Variants in ATM observed in about 807,000 individuals in gnomAD.
ATM encodes the protein ATM serine/threonine kinase, also known as serine-protein kinase ATM.
A neutral mutation model predicts 387.0 loss-of-function variants in ATM; 308 were observed. The ratio of observed to expected loss-of-function variants is 0.80; its 90% confidence interval spans 0.73 to 0.87. The LOEUF (loss-of-function observed/expected upper bound fraction) is 0.87. Ranked by LOEUF, ATM falls within the 40% of genes least tolerant of loss-of-function variation. The pLI is 0.00. For missense variants in ATM, 3,312 were observed against 3,560.9 expected (o/e 0.93, Z 1.78); for synonymous variants, 1,156 against 1,187.3 (o/e 0.97, Z 0.54).
chr11:108,331,403 A>G (rs761144083), intron 50 of ATM, 41 bp from the exon 51 acceptor site: 1 of 1,599,288 alleles, frequency 6.3e-7, no homozygotes, highest in Non-Finnish European at 8.5e-7. Context: ...AATATTTGAA[A>G]TACCTTGTTT....
Position 108,227,859 on chromosome 11 carries a change from A to G in ATM, c.156A>G (p.Gly52=), listed in dbSNP as rs876660725. 1 of 1,613,184 alleles carries G rather than the reference A, an allele frequency of 6.2e-7. No homozygotes were observed. Among genetic ancestry groups the G allele is most frequent in the Non-Finnish European group, 8.5e-7 (1 of 1,179,742 alleles). ...ATCGGCATTCAGATTCCAAACAAGG[A>G]AAATATTTGAATTGGGATGCTGTTT... The part of the protein sequence containing the change: ...HLDRHSDSKQ[G]KYLNWDAVFR... Residue 52 remains glycine (G), a synonymous_variant, in exon 3 of 63, where the codon GGA becomes GGG. Coordinates refer to ENST00000675843, the MANE Select transcript of ATM (RefSeq NM_000051.4).
intron 53 of ATM, among the ~76,000 whole-genome samples, chr11:108,333,490 G>A (rs1477147696): frequency 3.3e-5 from 5 of 152,028 alleles, no homozygotes; most frequent in Non-Finnish European, 4.4e-5. Context: ...ACTTGAAAAC[G>A]AATGGGACTT....
intron 22 of ATM, among the ~76,000 whole-genome samples, chr11:108,278,504 T>C (rs1176211175): frequency 2.0e-5 from 3 of 152,192 alleles, no homozygotes; most frequent in African/African-American, 7.2e-5. Flanking sequence ...GATTTTGTCT[T>C]AGTCCCTTTG....
At position 108,323,364 on chromosome 11, in the gene ATM, A is replaced by G. The variant is rs189422256; in HGVS notation, c.6572+1944A>G. On this transcript the variant is annotated intron_variant, in intron 45 of 62. Coordinates refer to ENST00000675843, the MANE Select transcript of ATM (RefSeq NM_000051.4). The stretch of plus-strand genomic sequence containing the variant: ...AAGAGTACAGAATTCTTTAAGAAAC[A>G]GTGAATAGAATGGTAGTAACCAGAG... Among the ~76,000 whole-genome samples, 36 of 152,308 alleles carry G rather than the reference A, an allele frequency of 2.4e-4. No homozygotes were observed. The East Asian group carries it at 6.8e-3, about 29-fold the overall frequency.
intron 29 of ATM, chr11:108,290,629 C>A: frequency 9.2e-6 from 1 of 108,576 alleles, no homozygotes; most frequent in Non-Finnish European, 1.7e-5. Context: ...CAGAGCGAGA[C>A]TCTTGTCTCA....
intron 27 of ATM, among the ~76,000 whole-genome samples, chr11:108,288,065 G>T: frequency 6.6e-6 from 1 of 151,386 alleles, no homozygotes; most frequent in African/African-American, 2.4e-5. Flanking sequence ...TGCCTTTCTA[G>T]ATCACCTTTT....
rs1416574870 is a variant in ATM, at chr11:108,281,113, T to C, written c.3521T>C (p.Phe1174Ser). The change falls in exon 24 of 63, where the codon TTT becomes TCT. Residue 1174 changes from phenylalanine to serine, a missense_variant. Around this residue, in one of 4 missense-constraint regions of ATM, gnomAD observed 1,791 missense variants for 1,804.5 expected, o/e 0.99. Coordinates refer to ENST00000675843, the MANE Select transcript of ATM (RefSeq NM_000051.4). ...CSPICEKQAL[F>S]ALCKSVKENG... The stretch of plus-strand genomic sequence containing the variant: ...CCTATCTGCGAAAAACAGGCTTTGT[T>C]TGCCCTGTGTAAATCTGTGAAAGAG... 4.3e-6 allele frequency: 7 copies of C among 1,614,076 alleles called. No individual in the cohort carries two copies. Among genetic ancestry groups the C allele is most frequent in the Non-Finnish European group, 5.1e-6 (6 of 1,179,976 alleles).
intron 18 of ATM, among the ~76,000 whole-genome samples, chr11:108,268,971 G>T (rs2081420324): frequency 6.6e-6 from 1 of 152,052 alleles, no homozygotes; most frequent in African/African-American, 2.4e-5. Flanking sequence ...CAGTTTTTTG[G>T]ATTTGATTTC....
At chr11:108,271,517 C>T (rs1436203840) in intron 20 of ATM, 111 bp downstream of exon 20, 2 of 1,268,626 alleles carry the variant, frequency 1.6e-6, no homozygotes, top group Admixed American at 1.7e-5. Context: ...ATAGCTAATA[C>T]ATCTTTTAAG....
chr11:108,335,004 T>TATACAGTC lies in ATM; in HGVS notation c.8049_8056dup (p.Phe2686TyrfsTer10), dbSNP rs1355690953. 6.2e-7 allele frequency: 1 copy of TATACAGTC among 1,613,748 alleles called. No homozygotes were observed. The highest frequency in any genetic ancestry group is 2.2e-5 in the East Asian group (1 of 44,858). ...CAGGAGAATATGGAAATCTGGTGAC[T>TATACAGTC]ATACAGTCATTTAAAGCAGAATTTC... is the stretch of plus-strand genomic sequence containing the variant. On this transcript the variant is annotated frameshift_variant, in exon 55 of 63. Coordinates refer to ENST00000675843, the MANE Select transcript of ATM (RefSeq NM_000051.4). LOFTEE classifies it high-confidence loss of function.
rs374499837 is a variant in ATM, at chr11:108,311,538, A to G, written c.5919-873A>G. ...TAGTGAGACCTCAGCTCTACTAAAAATAAAAATAAATCAGCTGGGCATAGT... is the reference window on the plus strand; with the variant it reads ...TAGTGAGACCTCAGCTCTACTAAAAGTAAAAATAAATCAGCTGGGCATAGT... On this transcript the variant is annotated intron_variant, in intron 39 of 62. Transcript: ENST00000675843. 2.6e-5 allele frequency among the ~76,000 whole-genome samples: 4 copies of G among 152,140 alleles called. No individual in the cohort carries two copies. In the South Asian group the frequency reaches 8.3e-4, roughly 32 times the overall value.
intron 56 of ATM, among the ~76,000 whole-genome samples, chr11:108,340,566 C>T (rs1591230477): frequency 6.6e-6 from 1 of 152,200 alleles, no homozygotes; most frequent in Admixed American, 6.5e-5. Flanking sequence ...CCTGCTATTA[C>T]CACCCTACTT....
intron 61 of ATM, among the ~76,000 whole-genome samples, chr11:108,359,233 C>A (rs1160458161): frequency 6.6e-6 from 1 of 151,464 alleles, no homozygotes; most frequent in African/African-American, 2.4e-5. Context: ...ATCAATTCAA[C>A]AAGAAGAGCT....
intron 29 of ATM, 54 bp from the exon 30 acceptor site, chr11:108,292,565 A>G (rs1352332603): frequency 7.0e-6 from 11 of 1,571,962 alleles, no homozygotes; most frequent in Non-Finnish European, 8.7e-6. Flanking sequence ...TTTATTTCAG[A>G]GTAATTTTCC....
chr11:108,317,332 C>A (rs1271268955), intron 42 of ATM, 41 bp from the exon 43 acceptor site: 2 of 1,592,152 alleles, frequency 1.3e-6, no homozygotes, highest in Admixed American at 3.4e-5. Context: ...CTGTTGATAT[C>A]TTTGATTACT....
At chr11:108,291,951 C>G (rs1316740961) in intron 29 of ATM, among the ~76,000 whole-genome samples, 1 of 152,152 alleles carries the variant, frequency 6.6e-6, no homozygotes, top group Non-Finnish European at 1.5e-5. Flanking sequence ...AATACGCTCC[C>G]CAGCTACTCC....
chr11:108,310,171 G>A lies in ATM; in HGVS notation c.5774G>A (p.Gly1925Glu), dbSNP rs755055090. The stretch of plus-strand genomic sequence containing the variant: ...TCATTTTTCTTTAGACCTTCTTCAG[G>A]AACAATTTTTAATGATGCTTTCTGG... ...YMRRQKRPSSGTIFNDAFWLD... is the reference protein window; with the variant it reads ...YMRRQKRPSSETIFNDAFWLD... The change falls in exon 39 of 63, where the codon GGA (glycine) becomes GAA (glutamate). Residue 1925 changes from glycine (G) to glutamate (E), a missense_variant. Gly to Glu is a moderately conservative substitution (Grantham distance 98, BLOSUM62 -2). This residue lies in a region of ATM where 1,405 missense variants were observed against 1,604.4 expected (regional missense o/e 0.88). Coordinates refer to ENST00000675843, the MANE Select transcript of ATM (RefSeq NM_000051.4). 6.2e-7 allele frequency: 1 copy of A among 1,613,228 alleles called. No individual in the cohort carries two copies. Among genetic ancestry groups the A allele is most frequent in the Non-Finnish European group, 8.5e-7 (1 of 1,179,624 alleles).
chr11:108,305,566 G>A (rs1382593362), intron 37 of ATM, among the ~76,000 whole-genome samples: 2 of 152,028 alleles, frequency 1.3e-5, no homozygotes, highest in Admixed American at 6.6e-5. Flanking sequence ...CAGACTGAAC[G>A]ACACAGCGAG....
chr11:108,251,140 C>A (rs2135330957), intron 10 of ATM, 68 bp downstream of exon 10: 1 of 1,588,720 alleles, frequency 6.3e-7, no homozygotes, highest in Non-Finnish European at 8.6e-7. Context: ...ACTCACATAT[C>A]CCTGATCATT....
Sources: gnomAD v4.1 joint callset for allele counts (sites outside exome capture counted in the v4.1 genomes callset) on GRCh38, gnomAD v4.1.1 for gene constraint, gnomAD v4.1.1 regional missense constraint, MANE v1.5 for transcripts, NCBI Gene and HGNC (gene_info 2026-07-23, HGNC 2026-07-21) for gene names.